Variants in GADL1 observed in about 807,000 individuals in gnomAD.
GADL1 encodes acidic amino acid decarboxylase GADL1.
GADL1 carries 71 observed loss-of-function variants against 69.5 expected under a neutral mutation model. That is an observed-to-expected ratio of 1.02 (90% confidence interval 0.84 to 1.25). The LOEUF is 1.25. Ranked by LOEUF, GADL1 falls within the 50% of genes most tolerant of loss-of-function variation. The pLI is 0.00. For synonymous variants in GADL1, 254 were observed against 214.4 expected, an observed-to-expected ratio of 1.18 and a Z score of -1.62; for missense variants, 737 against 631.8, an observed-to-expected ratio of 1.17 and a Z score of -1.79.
chr3:30,879,547 C>T (rs372200459), intron 1 of GADL1, among the ~76,000 whole-genome samples: 10 of 151,882 alleles, frequency 6.6e-5, no homozygotes, highest in African/African-American at 2.4e-4. Flanking sequence ...TATGTTGTTG[C>T]TTACCATATT....
intron 14 of GADL1, among the ~76,000 whole-genome samples, chr3:30,770,754 C>G (rs2125491942): frequency 6.6e-6 from 1 of 152,194 alleles, no homozygotes; most frequent in South Asian, 2.1e-4. Flanking sequence ...TTTTAATTTT[C>G]AAGAGATAGG....
chr3:30,820,431 G>A (rs1243977515), intron 11 of GADL1, among the ~76,000 whole-genome samples: 1 of 151,988 alleles, frequency 6.6e-6, no homozygotes, highest in Non-Finnish European at 1.5e-5. Flanking sequence ...AATTTATACT[G>A]ATAAAATCAT....
chr3:30,806,474 A>G (rs1462971721), intron 11 of GADL1, among the ~76,000 whole-genome samples: 1 of 152,188 alleles, frequency 6.6e-6, no homozygotes, highest in Non-Finnish European at 1.5e-5. Context: ...GCCATCTGAT[A>G]TTGGCTTTCT....
intron 14 of GADL1, among the ~76,000 whole-genome samples, chr3:30,751,296 G>T (rs989587127): frequency 2.0e-4 from 30 of 151,946 alleles, no homozygotes; most frequent in African/African-American, 6.8e-4. Context: ...AATTCTTTTG[G>T]CTTTATAAAG....
intron 11 of GADL1, among the ~76,000 whole-genome samples, chr3:30,817,245 AAAAT>A (rs1454543397): frequency 6.6e-6 from 1 of 152,202 alleles, no homozygotes; most frequent in Non-Finnish European, 1.5e-5. Context: ...GGCATTGAGA[AAAAT>A]AAATCCCCAT....
At chr3:30,751,804 A>G (rs1389668171) in intron 14 of GADL1, among the ~76,000 whole-genome samples, 1 of 152,066 alleles carries the variant, frequency 6.6e-6, no homozygotes, top group Admixed American at 6.6e-5. Flanking sequence ...TTTTTAGAGG[A>G]AAGTCCCTTG....
rs764490080 is a variant in GADL1, at chr3:30,839,514, C to CAAAAAAAAAA, written c.787-411_787-402dup. Among the ~76,000 whole-genome samples, 32 of 105,648 alleles carry CAAAAAAAAAA rather than the reference C, an allele frequency of 3.0e-4. 3 individuals carry two copies. The highest frequency in any genetic ancestry group is 1.5e-3 in the African/African-American group (30 of 20,340). The allele number at this position is 105,648 out of a possible 152,430, so 69.3% of individuals were successfully genotyped here. On this transcript the variant is annotated intron_variant, in intron 8 of 14. Transcript: ENST00000282538. The stretch of plus-strand genomic sequence containing the variant: ...CATTGTGCCATCATTGTCATCTTCT[C>CAAAAAAAAAA]AAAAAAAAAAAAAGGTTGGAAGACA...
intron 14 of GADL1, among the ~76,000 whole-genome samples, chr3:30,735,157 A>G (rs2125470313): frequency 6.6e-6 from 1 of 152,310 alleles, no homozygotes; most frequent in South Asian, 2.1e-4. Context: ...TCCATGCAGT[A>G]AAGAAAACTA....
chr3:30,776,396 C>T (rs1011428626), intron 14 of GADL1, among the ~76,000 whole-genome samples: 3 of 152,186 alleles, frequency 2.0e-5, no homozygotes, highest in Non-Finnish European at 4.4e-5. Flanking sequence ...CTCACATTGT[C>T]CAGTTCCTGT....
chr3:30,810,418 GAT>G (rs141146207), intron 11 of GADL1, among the ~76,000 whole-genome samples: 21 of 151,872 alleles, frequency 1.4e-4, no homozygotes, highest in Non-Finnish European at 2.6e-4. Flanking sequence ...TAGATATAGA[GAT>G]ATATATATAG....
At chr3:30,778,419 CCTT>C in intron 13 of GADL1, 151 bp from the exon 14 acceptor site, 1 of 595,826 alleles carries the variant, frequency 1.7e-6, no homozygotes, top group Middle Eastern at 4.6e-4. Flanking sequence ...ATCCCTTCTG[CCTT>C]CTTGATAACA....
intron 11 of GADL1, among the ~76,000 whole-genome samples, chr3:30,827,940 T>G (rs1322698836): frequency 6.6e-6 from 1 of 151,820 alleles, no homozygotes; most frequent in African/African-American, 2.4e-5. Context: ...ACACCTACCT[T>G]CCCCTTTTTC....
intron 11 of GADL1, among the ~76,000 whole-genome samples, chr3:30,830,843 C>T (rs1289908587): frequency 6.6e-6 from 1 of 151,904 alleles, no homozygotes; most frequent in East Asian, 1.9e-4. Context: ...GTGTTTCACT[C>T]TCAACTCTTT....
chr3:30,839,642 C>T (rs1252649779), intron 8 of GADL1, among the ~76,000 whole-genome samples: 1 of 151,926 alleles, frequency 6.6e-6, no homozygotes, highest in East Asian at 1.9e-4. Flanking sequence ...ACAAATTCAG[C>T]ATCAGAGGAG....
At chr3:30,799,446 T>C (rs1303649416) in intron 12 of GADL1, 1 of 152,228 alleles carries the variant, frequency 6.6e-6, no homozygotes, top group African/African-American at 2.4e-5. Flanking sequence ...ACCAAGTCTG[T>C]AGGCTGCACA....
At chr3:30,870,561 A>G (rs1698465933) in intron 1 of GADL1, among the ~76,000 whole-genome samples, 1 of 151,750 alleles carries the variant, frequency 6.6e-6, no homozygotes, top group Non-Finnish European at 1.5e-5. Flanking sequence ...GAGTAACATG[A>G]ACTGGCTTAC....
At chr3:30,876,353 T>A (rs1698576241) in intron 1 of GADL1, among the ~76,000 whole-genome samples, 1 of 152,016 alleles carries the variant, frequency 6.6e-6, no homozygotes, top group Non-Finnish European at 1.5e-5. Context: ...GACAGTAATG[T>A]GTACTGATAA....
chr3:30,884,292 A>G (rs1344450759), intron 1 of GADL1, among the ~76,000 whole-genome samples: 2 of 151,972 alleles, frequency 1.3e-5, no homozygotes, highest in Non-Finnish European at 2.9e-5. Flanking sequence ...AGACAATCCC[A>G]TTTCATGAGA....
chr3:30,831,271 CTA>C (rs1270292720), intron 11 of GADL1, among the ~76,000 whole-genome samples: 1 of 151,902 alleles, frequency 6.6e-6, no homozygotes, highest in East Asian at 1.9e-4. Flanking sequence ...ACATTATTCT[CTA>C]TGCCTCAGCC....
Sources: gnomAD v4.1 joint callset for allele counts (sites outside exome capture counted in the v4.1 genomes callset) on GRCh38, gnomAD v4.1.1 for gene constraint, MANE v1.5 for transcripts, NCBI Gene and HGNC (gene_info 2026-07-23, HGNC 2026-07-21) for gene names.